The following ARHGAP32 variants were observed in gnomAD, a reference collection of about 807,000 sequenced individuals.
ARHGAP32 encodes the protein Rho GTPase activating protein 32.
In ARHGAP32, 51 loss-of-function variants were observed where a neutral mutation model predicts 186.5. That is an observed-to-expected ratio of 0.27 (90% CI 0.22 to 0.35). The LOEUF is 0.35. ARHGAP32 is among the 10% of genes least tolerant of loss of function. The pLI is 1.00. For synonymous variants in ARHGAP32, 950 were observed against 964.3 expected, an observed-to-expected ratio of 0.99 and a Z score of 0.27; for missense variants, 2,186 against 2,623.5, an observed-to-expected ratio of 0.83 and a Z score of 3.64.
intron 1 of ARHGAP32, among the ~76,000 whole-genome samples, chr11:129,184,514 G>C (rs1166354192): frequency 3.9e-5 from 6 of 151,922 alleles, no homozygotes; most frequent in Non-Finnish European, 7.4e-5. Flanking sequence ...TAAAAAAGAA[G>C]ATGAAATTAG....
intron 1 of ARHGAP32, among the ~76,000 whole-genome samples, chr11:129,212,147 C>G (rs1358776538): frequency 6.6e-6 from 1 of 151,852 alleles, no homozygotes; most frequent in African/African-American, 2.4e-5. Context: ...AGAGCAAGAC[C>G]CTGTCTCAAA....
intron 1 of ARHGAP32, among the ~76,000 whole-genome samples, chr11:129,180,325 G>A (rs966190233): frequency 6.6e-6 from 1 of 152,126 alleles, no homozygotes; most frequent in African/African-American, 2.4e-5. Flanking sequence ...TTGTGACAAA[G>A]TCAGAATAAG....
intron 1 of ARHGAP32, among the ~76,000 whole-genome samples, chr11:129,217,072 G>A: frequency 6.6e-6 from 1 of 151,986 alleles, no homozygotes; most frequent in Non-Finnish European, 1.5e-5. Flanking sequence ...TTTGGCTACT[G>A]CTTTGTCCAA....
intron 1 of ARHGAP32, among the ~76,000 whole-genome samples, chr11:129,273,380 G>A (rs1187382708): frequency 6.6e-6 from 1 of 152,054 alleles, no homozygotes; most frequent in Non-Finnish European, 1.5e-5. Flanking sequence ...TACTTAATCT[G>A]GAGGGCCACT....
chr11:129,059,556 G>A (rs1591577084), intron 10 of ARHGAP32, among the ~76,000 whole-genome samples: 1 of 140,282 alleles, frequency 7.1e-6, no homozygotes, highest in African/African-American at 2.7e-5. Context: ...CTGGAGTGCA[G>A]TGGCATGATC....
In ARHGAP32 at chr11:128,973,094, T is replaced by C. The variant is rs1166437797; in HGVS notation, c.3412A>G (p.Thr1138Ala). The C allele has an allele frequency of 3.7e-6, 6 of 1,614,096 alleles. No individual in the cohort carries two copies. Among genetic ancestry groups the C allele is most frequent in the Non-Finnish European group, 5.1e-6 (6 of 1,180,046 alleles). ...TGGGTAGGATCCCCAGTAGCTGTTG[T>C]CTCTGGTAGAGGATGGTCACAGTTT... ...PGNCDHPLPE[T>A]TATGDPTHSN... Residue 1138 changes from threonine to alanine, a missense_variant, in exon 22 of 23, where the codon ACA becomes GCA. Thr to Ala is a moderately conservative substitution (Grantham distance 58). This residue lies in a region of ARHGAP32 where 1,502 missense variants were observed against 1,570.0 expected (regional missense o/e 0.96). Coordinates refer to ENST00000682385, the MANE Select transcript of ARHGAP32 (RefSeq NM_001378024.1).
chr11:129,098,307 T>C (rs896012339), intron 5 of ARHGAP32, among the ~76,000 whole-genome samples: 3 of 152,202 alleles, frequency 2.0e-5, no homozygotes, highest in African/African-American at 4.8e-5. Context: ...AAAGCCTGTA[T>C]TACTGTACAA....
chr11:129,155,215 A>G (rs1281388824), intron 2 of ARHGAP32, among the ~76,000 whole-genome samples: 1 of 152,244 alleles, frequency 6.6e-6, no homozygotes, highest in East Asian at 1.9e-4. Context: ...GTGGCACACT[A>G]TACAGTATCA....
chr11:129,217,524 A>G (rs967142271), intron 1 of ARHGAP32, among the ~76,000 whole-genome samples: 32 of 152,190 alleles, frequency 2.1e-4, no homozygotes, highest in African/African-American at 7.7e-4. Context: ...TCTCTCTTCT[A>G]TGAGCATTTT....
rs576751868 is a variant in ARHGAP32, at chr11:129,182,295, T to TA, written c.116+9787dup. ...TATCTGAAAAACAAATTTTCTACAG[T>TA]AAAAAAAATATTTTTATATATTAGC... is the stretch of plus-strand genomic sequence containing the variant. On this transcript the variant is annotated intron_variant, in intron 1 of 22. Transcript: ENST00000682385. Among the ~76,000 whole-genome samples the TA allele has an allele frequency of 1.9e-3, 291 of 151,978 alleles. 2 individuals carry two copies. The highest frequency in any genetic ancestry group is 0.013 in the Admixed American group (194 of 15,244).
intron 2 of ARHGAP32, among the ~76,000 whole-genome samples, chr11:129,154,756 A>T (rs181461689): frequency 1.6e-4 from 25 of 152,278 alleles, no homozygotes; most frequent in Non-Finnish European, 3.2e-4. Flanking sequence ...AGTGAGGAAC[A>T]AAAGACTATA....
intron 6 of ARHGAP32, among the ~76,000 whole-genome samples, chr11:129,071,141 T>C (rs1483252003): frequency 2.0e-5 from 3 of 152,030 alleles, no homozygotes; most frequent in Non-Finnish European, 4.4e-5. Context: ...ATACTGATGT[T>C]ATTTATTAAA....
rs73019140 is a variant in ARHGAP32, at chr11:129,145,436, G to A, written c.225+18883C>T. On this transcript the variant is annotated intron_variant, in intron 2 of 22. Coordinates refer to ENST00000682385, the MANE Select transcript of ARHGAP32 (RefSeq NM_001378024.1). The stretch of plus-strand genomic sequence containing the variant: ...TTTTGAAAAATTTCTAATAAAGGAA[G>A]AAATAGCAAGATCCTAGACCACCAT... Among the ~76,000 whole-genome samples, 1,088 of 132,434 alleles carry A rather than the reference G, an allele frequency of 8.2e-3. 7 individuals are homozygous for A. Among genetic ancestry groups the A allele is most frequent in the South Asian group, 0.019 (78 of 4,182 alleles). The allele number at this position is 132,434 out of a possible 152,430, so 86.9% of individuals were successfully genotyped here. A position where few individuals can be genotyped will look rare whatever the true frequency, so the allele number is the denominator to read the frequency against.
chr11:129,071,415 TCAAAAGATAACATA>T (rs1238464021), intron 6 of ARHGAP32, among the ~76,000 whole-genome samples: 1 of 151,892 alleles, frequency 6.6e-6, no homozygotes, highest in Non-Finnish European at 1.5e-5. Flanking sequence ...CAGACATTTC[TCAAAAGATAACATA>T]CAAATGGTCA....
chr11:129,121,234 C>G (rs1942521526), intron 5 of ARHGAP32, among the ~76,000 whole-genome samples: 1 of 151,634 alleles, frequency 6.6e-6, no homozygotes, highest in Admixed American at 6.6e-5. Context: ...AAACCTTATA[C>G]TAGCCAAAGA....
At position 129,178,476 on chromosome 11, in the gene ARHGAP32, C is replaced by T. The variant is rs531051169; in HGVS notation, c.116+13607G>A. ...TCATATGGAACCAAAAAAGAGCCCACAACGCCAAGTCAATCCTAAGCCAAA... is the reference window on the plus strand; with the variant it reads ...TCATATGGAACCAAAAAAGAGCCCATAACGCCAAGTCAATCCTAAGCCAAA... On this transcript the variant is annotated intron_variant, in intron 1 of 22. Coordinates refer to ENST00000682385, the MANE Select transcript of ARHGAP32 (RefSeq NM_001378024.1). 5.3e-5 allele frequency among the ~76,000 whole-genome samples: 8 copies of T among 152,238 alleles called. No homozygotes were observed. The South Asian group carries it at 1.5e-3, about 28-fold the overall frequency.
At chr11:129,087,851 G>A (rs1225070702) in intron 6 of ARHGAP32, among the ~76,000 whole-genome samples, 1 of 152,110 alleles carries the variant, frequency 6.6e-6, no homozygotes, top group East Asian at 1.9e-4. Flanking sequence ...GAGCTTATGG[G>A]AACTCTATAT....
intron 3 of ARHGAP32, among the ~76,000 whole-genome samples, chr11:129,124,421 T>C (rs189661210): frequency 6.6e-6 from 1 of 152,220 alleles, no homozygotes; most frequent in African/African-American, 2.4e-5. Flanking sequence ...CAGTCAACTC[T>C]TGGCATCTAC....
At chr11:129,040,306 C>T (rs1466547153) in intron 11 of ARHGAP32, among the ~76,000 whole-genome samples, 2 of 151,930 alleles carry the variant, frequency 1.3e-5, no homozygotes, top group Admixed American at 1.3e-4. Flanking sequence ...CTCTTCTCTC[C>T]AAAGCTTTTT....
Sources: allele counts gnomAD v4.1 joint callset (sites outside exome capture counted in the v4.1 genomes callset), GRCh38; gene constraint gnomAD v4.1.1; regional missense constraint gnomAD v4.1.1; transcripts MANE v1.5; gene names NCBI Gene and HGNC (gene_info 2026-07-23, HGNC 2026-07-21).